COLEC12: variants seen among roughly 807,000 people sequenced by gnomAD.
COLEC12 encodes collectin subfamily member 12, also known as collectin-12.
In COLEC12, 33 loss-of-function variants were observed where a neutral mutation model predicts 71.1. The observed-to-expected ratio is 0.46, with a 90% CI of 0.35 to 0.62. The LOEUF (loss-of-function observed/expected upper bound fraction) is 0.62. Among genes scored for constraint, COLEC12 ranks in the 20% least tolerant of loss-of-function variants. COLEC12 has a pLI of 0.00. For synonymous variants in COLEC12, 350 were observed against 353.0 expected, an observed-to-expected ratio of 0.99 and a Z score of 0.10; for missense variants, 765 against 916.1, an observed-to-expected ratio of 0.84 and a Z score of 2.13.
chr18:387,089 A>G (rs1915361432), intron 2 of COLEC12, among the ~76,000 whole-genome samples: 1 of 152,224 alleles, frequency 6.6e-6, no homozygotes, highest in Non-Finnish European at 1.5e-5. Flanking sequence ...GTTTTCCAAC[A>G]CATGATCTTT....
rs35399538 is a variant in COLEC12 at position 417,041 on chromosome 18, GACACACAC to G, written c.59-59527_59-59520del. On this transcript the variant is annotated intron_variant, in intron 2 of 9. Transcript: ENST00000400256. ...ACATATATACACACACATGCACCCA[GACACACAC>G]ACACACACACACACACTCATTCATC... 7.3e-5 allele frequency among the ~76,000 whole-genome samples: 11 copies of G among 150,298 alleles called. No homozygotes were observed. The South Asian group carries it at 1.1e-3, about 14-fold the overall frequency.
intron 2 of COLEC12, among the ~76,000 whole-genome samples, chr18:422,770 G>T (rs552568696): frequency 6.6e-6 from 1 of 152,192 alleles, no homozygotes; most frequent in East Asian, 1.9e-4. Flanking sequence ...GGGCGAGTCC[G>T]GTTATTTGCT....
At chr18:365,260 C>T (rs1349809965) in intron 2 of COLEC12, among the ~76,000 whole-genome samples, 1 of 152,162 alleles carries the variant, frequency 6.6e-6, no homozygotes, top group Non-Finnish European at 1.5e-5. Flanking sequence ...GTAAATTCTG[C>T]CCTAAATAAA....
At chr18:358,997 C>T (rs897948030) in intron 2 of COLEC12, among the ~76,000 whole-genome samples, 5 of 151,912 alleles carry the variant, frequency 3.3e-5, no homozygotes, top group South Asian at 2.1e-4. Context: ...ATGATAATTA[C>T]GATGATAATT....
chr18:480,566 T>G lies in COLEC12; in HGVS notation c.58+141A>C. 3 of 761,618 alleles carry G rather than the reference T, an allele frequency of 3.9e-6. No individual in the cohort carries two copies. In the Admixed American group the frequency reaches 5.9e-5, roughly 15 times the overall value. The allele number at this position is 761,618 out of a possible 1,614,324, so 47.2% of individuals were successfully genotyped here. On this transcript the variant is annotated intron_variant, in intron 2 of 9. Coordinates refer to ENST00000400256, the MANE Select transcript of COLEC12 (RefSeq NM_130386.3). This position sits in a 1 kb window ranked among gnomAD's most constrained non-coding sequence, Gnocchi z 4.1. ...TCCCCCTGGGACACAGACACTCACT[T>G]TCCAACCAAAATTGGACCTCAGAGC...
intron 2 of COLEC12, among the ~76,000 whole-genome samples, chr18:440,976 T>C (rs55651672): frequency 0.38 from 58,010 of 151,790 alleles, 11,354 homozygotes; most frequent in Admixed American, 0.45. Context: ...AGGCCGGGCG[T>C]GGTGGCTCAC....
intron 2 of COLEC12, among the ~76,000 whole-genome samples, chr18:479,398 A>C (rs1389076577): frequency 1.3e-5 from 2 of 152,206 alleles, no homozygotes; most frequent in Non-Finnish European, 2.9e-5. Context: ...AGTAATGCAG[A>C]CGTGTGTGTC....
chr18:353,647 T>C lies in COLEC12; in HGVS notation c.181+3753A>G, dbSNP rs138395023. On this transcript the variant is annotated intron_variant, in intron 3 of 9. Transcript: ENST00000400256. The stretch of plus-strand genomic sequence containing the variant: ...TTGAGGATTCAAGAGACACAGGCCA[T>C]GGTCTCGGCCCTGAGGACAGAGCAC... Among the ~76,000 whole-genome samples, 171 of 152,362 alleles carry C rather than the reference T, an allele frequency of 1.1e-3. 2 individuals carry two copies. In the East Asian group the frequency reaches 0.028, roughly 25 times the overall value.
At chr18:386,847 A>C (rs1210004203) in intron 2 of COLEC12, among the ~76,000 whole-genome samples, 1 of 152,112 alleles carries the variant, frequency 6.6e-6, no homozygotes, top group Non-Finnish European at 1.5e-5. Context: ...ATTTGATTTC[A>C]ATTTTTTTTT....
chr18:384,931 C>T (rs926755806), intron 2 of COLEC12, among the ~76,000 whole-genome samples: 1 of 152,182 alleles, frequency 6.6e-6, no homozygotes, highest in African/African-American at 2.4e-5. Context: ...TCCATATCAC[C>T]ATACAGTTCA....
intron 8 of COLEC12, among the ~76,000 whole-genome samples, chr18:328,727 C>G (rs1913902070): frequency 1.3e-5 from 2 of 152,088 alleles, no homozygotes; most frequent in Admixed American, 1.3e-4. Context: ...CAGAGTTGAG[C>G]AACTCACACG....
intron 2 of COLEC12, among the ~76,000 whole-genome samples, chr18:420,712 T>C (rs536814926): frequency 1.3e-5 from 2 of 152,320 alleles, no homozygotes; most frequent in Middle Eastern, 3.4e-3. Context: ...TGTTTGTGTA[T>C]ATTTCTTATT....
chr18:319,742 T>G lies in COLEC12; in HGVS notation c.*303A>C, dbSNP rs915353789. 7.6e-6 allele frequency: 3 copies of G among 394,622 alleles called. No individual in the cohort carries two copies. Among genetic ancestry groups the G allele is most frequent in the Non-Finnish European group, 1.4e-5 (3 of 221,530 alleles). The allele number at this position is 394,622 out of a possible 1,614,324, so 24.4% of individuals were successfully genotyped here. On this transcript the variant is annotated 3_prime_UTR_variant, in exon 10 of 10. Coordinates refer to ENST00000400256, the MANE Select transcript of COLEC12 (RefSeq NM_130386.3). Reference sequence around the variant, plus strand: ...ACGACCAATGATAACCTTTTTCTGATTGGAGTGTTCCATACTTTGGAAGAC... The same window carrying G: ...ACGACCAATGATAACCTTTTTCTGAGTGGAGTGTTCCATACTTTGGAAGAC...
intron 2 of COLEC12, among the ~76,000 whole-genome samples, chr18:446,439 T>C (rs1256352926): frequency 2.0e-5 from 3 of 151,698 alleles, no homozygotes; most frequent in Non-Finnish European, 2.9e-5. Flanking sequence ...CAGTGTCTCA[T>C]ACCTGTAATC....
intron 2 of COLEC12, among the ~76,000 whole-genome samples, chr18:392,093 T>C (rs945600202): frequency 1.3e-5 from 2 of 152,230 alleles, no homozygotes; most frequent in African/African-American, 4.8e-5. Context: ...AACCAGACTG[T>C]GCCTGTCTCT....
intron 2 of COLEC12, among the ~76,000 whole-genome samples, chr18:471,438 A>T (rs1917195325): frequency 6.6e-6 from 1 of 151,624 alleles, no homozygotes; most frequent in Non-Finnish European, 1.5e-5. Context: ...TTGTTCATTC[A>T]TTCACTTCTC....
At chr18:418,934 G>A (rs925444245) in intron 2 of COLEC12, among the ~76,000 whole-genome samples, 5 of 152,024 alleles carry the variant, frequency 3.3e-5, no homozygotes, top group African/African-American at 1.2e-4. Flanking sequence ...TTTCTTGTGC[G>A]AGATCCAAGA....
At chr18:365,327 T>A (rs1420971695) in intron 2 of COLEC12, among the ~76,000 whole-genome samples, 1 of 152,204 alleles carries the variant, frequency 6.6e-6, no homozygotes, top group Non-Finnish European at 1.5e-5. Flanking sequence ...TGGTAAGGCA[T>A]GTTAGCCCCT....
intron 2 of COLEC12, among the ~76,000 whole-genome samples, chr18:385,612 C>G (rs1195013278): frequency 1.3e-5 from 2 of 152,080 alleles, no homozygotes; most frequent in Admixed American, 1.3e-4. Context: ...CATGAGCCAC[C>G]GTGCCTGGCC....
Sources: allele counts gnomAD v4.1 joint callset (sites outside exome capture counted in the v4.1 genomes callset), GRCh38; gene constraint gnomAD v4.1.1; non-coding constraint Gnocchi (gnomAD v3.1); transcripts MANE v1.5; gene names NCBI Gene and HGNC (gene_info 2026-07-23, HGNC 2026-07-21).